The following ZNF28 variants were observed in gnomAD, a reference collection of about 807,000 sequenced individuals.
ZNF28 encodes zinc finger protein KOX24.
ZNF28 carries 5 observed loss-of-function variants against 7.2 expected under a neutral mutation model. The observed-to-expected ratio is 0.70, with a 90% confidence interval of 0.36 to 1.46. The LOEUF is 1.46. Among genes scored for constraint, ZNF28 ranks in the 40% most tolerant of loss-of-function variants. The pLI is 0.03. For missense variants in ZNF28, 879 were observed against 866.6 expected (o/e 1.01, Z -0.18); for synonymous variants, 288 against 292.4 (o/e 0.99, Z 0.15).
intron 3 of ZNF28, among the ~76,000 whole-genome samples, chr19:52,807,125 T>G (rs1030892284): frequency 8.5e-5 from 13 of 152,256 alleles, no homozygotes; most frequent in East Asian, 1.9e-4. Context: ...CCCATCTGGA[T>G]TTTTTTGTTA....
chr19:52,798,656 C>T lies in ZNF28; in HGVS notation c.*1032G>A. On this transcript the variant is annotated 3_prime_UTR_variant, in exon 4 of 4. Coordinates refer to ENST00000457749, the MANE Select transcript of ZNF28 (RefSeq NM_006969.5). ...ATGTTTTGCATAGGATGAAACTTGACTGAAGACCTTGCCACAATCATGACA... is the reference window on the plus strand; with the variant it reads ...ATGTTTTGCATAGGATGAAACTTGATTGAAGACCTTGCCACAATCATGACA... The T allele has an allele frequency of 2.3e-6, 1 of 436,548 alleles. No individual in the cohort carries two copies. The allele number at this position is 436,548 out of a possible 1,614,324, so 27.0% of individuals were successfully genotyped here.
rs771715777 is a variant in ZNF28, at chr19:52,801,620, T to C, written c.225A>G (p.Gln75=). The change falls in exon 4 of 4, where the codon CAA becomes CAG. Residue 75 remains glutamine, a synonymous_variant. Transcript: ENST00000457749. ...NTEAFHTGTL[Q]RQASHHIGDF... ...CTCCAATGTGATGACTTGCTTGTCT[T>C]TGCAATGTCCCTGTGTGGAACGCTT... 1.9e-6 allele frequency: 3 copies of C among 1,614,058 alleles called. No individual in the cohort carries two copies. Among genetic ancestry groups the C allele is most frequent in the Admixed American group, 3.3e-5 (2 of 60,002 alleles).
rs1404069520 is a variant in ZNF28, at chr19:52,819,260, G to A, written c.-73-1229C>T. Among the ~76,000 whole-genome samples the A allele has an allele frequency of 1.9e-4, 26 of 139,570 alleles. 1 individual carries two copies. Among genetic ancestry groups the A allele is most frequent in the Non-Finnish European group, 2.1e-4 (14 of 65,198 alleles). The allele number at this position is 139,570 out of a possible 152,430, so 91.6% of individuals were successfully genotyped here. A position where few individuals can be genotyped will look rare whatever the true frequency, so the allele number is the denominator to read the frequency against. On this transcript the variant is annotated intron_variant, in intron 1 of 3. Transcript: ENST00000457749. ...GTTGGGCTTTTGTCCTGGGGAACAC[G>A]GGAAGCAGGTGGAGGGTTCCCTGCC...
intron 3 of ZNF28, 137 bp from the exon 4 acceptor site, chr19:52,801,839 G>C (rs1460375569): frequency 1.2e-6 from 1 of 810,332 alleles, no homozygotes; most frequent in African/African-American, 1.7e-5. Flanking sequence ...GAACACAAAA[G>C]GAGTAAGATT....
At chr19:52,817,111 G>A (rs1025911067) in intron 2 of ZNF28, among the ~76,000 whole-genome samples, 9 of 152,096 alleles carry the variant, frequency 5.9e-5, no homozygotes, top group Non-Finnish European at 1.0e-4. Flanking sequence ...GGTGGCTCAC[G>A]CTTGTAATCC....
rs2147610317 is a variant in ZNF28, at chr19:52,799,082, G to T, written c.*606C>A. On this transcript the variant is annotated 3_prime_UTR_variant, in exon 4 of 4. Coordinates refer to ENST00000457749, the MANE Select transcript of ZNF28 (RefSeq NM_006969.5). ...GCTGTGATTTGTGACTGACAACTTT[G>T]TCACAGTCTTCACATTTGTAAGATT... is the stretch of plus-strand genomic sequence containing the variant. 1 of 438,254 alleles carries T rather than the reference G, an allele frequency of 2.3e-6. No homozygotes were observed. The highest frequency in any genetic ancestry group is 4.4e-6 in the Non-Finnish European group (1 of 228,962). 27.1% of individuals were successfully genotyped at this position (438,254 alleles called of 1,614,324 possible).
rs1329626573 is a variant in ZNF28, at chr19:52,811,192, T to G, written c.16-3059A>C. ...TGCAGATGGAGTCTCGTTCACTCAG[T>G]GCTCAATGGTGCCCAGGCTGGAGTG... On this transcript the variant is annotated intron_variant, in intron 2 of 3. Transcript: ENST00000457749. Among the ~76,000 whole-genome samples the G allele has an allele frequency of 3.3e-5, 5 of 150,906 alleles. No homozygotes were observed. The East Asian group carries it at 9.7e-4, about 29-fold the overall frequency.
At position 52,799,793 on chromosome 19, in the gene ZNF28, A is replaced by C; in HGVS notation, c.2052T>G (p.Val684=). 2 of 1,614,130 alleles carry C rather than the reference A, an allele frequency of 1.2e-6. No homozygotes were observed. The highest frequency in any genetic ancestry group is 1.7e-5 in the Admixed American group (1 of 60,010). Residue 684 remains valine (V), a synonymous_variant, in exon 4 of 4, where the codon GTT becomes GTG. Transcript: ENST00000457749. ...ACTTGTAAGGTTTCTCTCCAGTATGAACTCTCTGATGCTGTGCAAGGTGTG... is the reference window on the plus strand; with the variant it reads ...ACTTGTAAGGTTTCTCTCCAGTATGCACTCTCTGATGCTGTGCAAGGTGTG... The part of the protein sequence containing the change: ...QQAHLAQHQR[V]HTGEKPYKCN...
chr19:52,809,737 G>A (rs1041988379), intron 2 of ZNF28: 3 of 414,416 alleles, frequency 7.2e-6, no homozygotes, highest in African/African-American at 2.1e-5. Flanking sequence ...CCCAGGAGGA[G>A]GGGGTTGCAG....
intron 2 of ZNF28, among the ~76,000 whole-genome samples, chr19:52,808,978 A>C (rs1233015685): frequency 6.6e-6 from 1 of 152,216 alleles, no homozygotes; most frequent in Non-Finnish European, 1.5e-5. Flanking sequence ...GATTTTCAAA[A>C]TATATACAGA....
chr19:52,810,619 T>C, intron 2 of ZNF28: 3 of 1,460,600 alleles, frequency 2.1e-6, no homozygotes, highest in Non-Finnish European at 2.9e-6. Context: ...CAGTTCCTGC[T>C]CTCCATTCTA....
chr19:52,798,873 T>C lies in ZNF28; in HGVS notation c.*815A>G, dbSNP rs574610296. The C allele has an allele frequency of 1.9e-5, 26 of 1,381,622 alleles. No individual in the cohort carries two copies. The East Asian group carries it at 4.8e-4, about 26-fold the overall frequency. 85.6% of individuals were successfully genotyped at this position (1,381,622 alleles called of 1,614,324 possible). ...TAGTCAAGTTTCCCTATACTATGGA[T>C]TGCTTGATGGTGAATAAGTGGTGAC... On this transcript the variant is annotated 3_prime_UTR_variant, in exon 4 of 4. Transcript: ENST00000457749.
rs1007955162 is a variant in ZNF28, at chr19:52,811,181, C to G, written c.16-3048G>C. ...GGTGCCGGGATTGCAGATGGAGTCT[C>G]GTTCACTCAGTGCTCAATGGTGCCC... On this transcript the variant is annotated intron_variant, in intron 2 of 3. Coordinates refer to ENST00000457749, the MANE Select transcript of ZNF28 (RefSeq NM_006969.5). Among the ~76,000 whole-genome samples, 171 of 151,058 alleles carry G rather than the reference C, an allele frequency of 1.1e-3. 1 individual carries two copies. Among genetic ancestry groups the G allele is most frequent in the Non-Finnish European group, 1.8e-3 (122 of 67,406 alleles).
At chr19:52,810,334 G>A in intron 2 of ZNF28, 1 of 1,602,928 alleles carries the variant, frequency 6.2e-7, no homozygotes, top group Non-Finnish European at 8.5e-7. Context: ...AATGTGGACT[G>A]CGGTGCAACA....
At chr19:52,818,571 G>C (rs975079225) in intron 1 of ZNF28, among the ~76,000 whole-genome samples, 2 of 152,026 alleles carry the variant, frequency 1.3e-5, no homozygotes, top group African/African-American at 4.8e-5. Context: ...AAAGTAGCCG[G>C]GCTTGATGCG....
intron 2 of ZNF28, among the ~76,000 whole-genome samples, chr19:52,815,750 A>G (rs1306439861): frequency 4.8e-5 from 7 of 145,292 alleles, no homozygotes; most frequent in East Asian, 2.0e-4. Context: ...GTGTGAACCC[A>G]GGAGGCGGAG....
At chr19:52,820,399 G>T (rs553941425) in intron 1 of ZNF28, among the ~76,000 whole-genome samples, 1 of 94,170 alleles carries the variant, frequency 1.1e-5, no homozygotes, top group East Asian at 2.9e-4. Flanking sequence ...TTACAGGCGT[G>T]AGCCACCGCG....
In ZNF28 at chr19:52,815,824, C is replaced by CA. The variant is rs1174089727; in HGVS notation, c.15+2119dup. On this transcript the variant is annotated intron_variant, in intron 2 of 3. Coordinates refer to ENST00000457749, the MANE Select transcript of ZNF28 (RefSeq NM_006969.5). ...TGGGCGACAGAGCGAGGCTCCATCT[C>CA]AAAAAAAATAAATAACTATCGTGTA... Among the ~76,000 whole-genome samples, 10 of 144,172 alleles carry CA rather than the reference C, an allele frequency of 6.9e-5. 1 individual carries two copies. The highest frequency in any genetic ancestry group is 6.2e-4 in the Admixed American group (9 of 14,420). 94.6% of individuals were successfully genotyped at this position (144,172 alleles called of 152,430 possible).
At position 52,800,209 on chromosome 19, in the gene ZNF28, T is replaced by G; in HGVS notation, c.1636A>C (p.Thr546Pro). Residue 546 changes from threonine to proline, a missense_variant, in exon 4 of 4, where the codon ACT becomes CCT. Thr to Pro is a conservative substitution (Grantham distance 38). Around this residue, in one of 2 missense-constraint regions of ZNF28, gnomAD observed 864 missense variants for 830.2 expected, o/e 1.04. Transcript: ENST00000457749. ...ANLACHHKLHTAEKPYKCEEC... is the reference protein window; with the variant it reads ...ANLACHHKLHPAEKPYKCEEC... ...TCACATTTGTACGGTTTCTCTGCAG[T>G]ATGAAGTTTATGATGACATGCAAGG... 4 of 1,613,530 alleles carry G rather than the reference T, an allele frequency of 2.5e-6. No individual in the cohort carries two copies. Among genetic ancestry groups the G allele is most frequent in the Non-Finnish European group, 3.4e-6 (4 of 1,179,874 alleles).
Sources: gnomAD v4.1 joint callset for allele counts (sites outside exome capture counted in the v4.1 genomes callset) on GRCh38, gnomAD v4.1.1 for gene constraint, gnomAD v4.1.1 regional missense constraint, MANE v1.5 for transcripts, NCBI Gene and HGNC (gene_info 2026-07-23, HGNC 2026-07-21) for gene names.